Variants in CLEC19A observed in about 807,000 individuals in gnomAD.
The protein encoded by CLEC19A is C-type lectin domain family 19 member A.
In CLEC19A, 21 loss-of-function variants were observed where a neutral mutation model predicts 26.1. The ratio of observed to expected loss-of-function variants is 0.80; its 90% CI spans 0.57 to 1.16. CLEC19A has a LOEUF of 1.16. Among genes scored for constraint, CLEC19A ranks in the 50% most tolerant of loss-of-function variants. CLEC19A has a pLI of 0.00. For missense variants in CLEC19A, 224 were observed against 227.6 expected, an observed-to-expected ratio of 0.98 and a Z score of 0.10; for synonymous variants, 89 against 88.6, an observed-to-expected ratio of 1.00 and a Z score of -0.03.
chr16:19,290,059 C>T (rs1171374512), intron 1 of CLEC19A, among the ~76,000 whole-genome samples: 2 of 151,676 alleles, frequency 1.3e-5, no homozygotes, highest in African/African-American at 2.4e-5. Context: ...CATTTGTGGG[C>T]GGCTGGATTG....
chr16:19,301,036 G>A (rs1012105716), intron 2 of CLEC19A, among the ~76,000 whole-genome samples: 15 of 152,244 alleles, frequency 9.9e-5, no homozygotes, highest in African/African-American at 3.6e-4. Context: ...TGCTATGAGA[G>A]CACAGCACAG....
chr16:19,298,918 G>T, intron 2 of CLEC19A, 80 bp downstream of exon 2: 3 of 1,385,046 alleles, frequency 2.2e-6, no homozygotes, highest in Non-Finnish European at 9.6e-7. Flanking sequence ...TTTCCAACTG[G>T]CATTTCTCTT....
intron 1 of CLEC19A, among the ~76,000 whole-genome samples, chr16:19,286,477 C>T (rs1897472230): frequency 6.6e-6 from 1 of 152,176 alleles, no homozygotes; most frequent in Admixed American, 6.5e-5. Context: ...GCCCAGCAAC[C>T]CCCAGCCTTG....
At chr16:19,302,513 G>A (rs943344110) in intron 2 of CLEC19A, among the ~76,000 whole-genome samples, 6 of 152,190 alleles carry the variant, frequency 3.9e-5, no homozygotes, top group African/African-American at 1.4e-4. Context: ...AAGGTACATC[G>A]ACATGGCCAT....
intron 3 of CLEC19A, chr16:19,304,384 C>G: frequency 1.5e-5 from 4 of 268,158 alleles, no homozygotes; most frequent in Admixed American, 6.1e-5. Flanking sequence ...ACCTGTTTGG[C>G]TTGGGTTCTC....
At chr16:19,299,618 T>C (rs909824646) in intron 2 of CLEC19A, among the ~76,000 whole-genome samples, 1 of 152,222 alleles carries the variant, frequency 6.6e-6, no homozygotes, top group Non-Finnish European at 1.5e-5. Context: ...CATCCCTATC[T>C]TCTCCTCCAG....
intron 3 of CLEC19A, among the ~76,000 whole-genome samples, chr16:19,306,154 T>C (rs1334991445): frequency 6.7e-6 from 1 of 150,084 alleles, no homozygotes; most frequent in Non-Finnish European, 1.5e-5. Flanking sequence ...ATTTTTTTTT[T>C]TTTTTCCTTG....
chr16:19,304,075 G>A lies in CLEC19A; in HGVS notation c.268G>A (p.Val90Ile). The change falls in exon 3 of 5, where the codon GTC (valine) becomes ATC (isoleucine). Residue 90 changes from valine to isoleucine, a missense_variant. Coordinates refer to ENST00000636231, the MANE Select transcript of CLEC19A (RefSeq NM_001256720.2). ...LASIHSWEEN[V>I]FVYDLVNSCV... is the part of the protein sequence containing the mutation. Reference sequence around the variant, plus strand: ...TTAAATTCGCAGCTGGGAGGAGAATGTCTTTGTATATGACCTCGTGAACAG... The same window carrying A: ...TTAAATTCGCAGCTGGGAGGAGAATATCTTTGTATATGACCTCGTGAACAG... 6.5e-7 allele frequency: 1 copy of A among 1,549,880 alleles called. No individual in the cohort carries two copies.
chr16:19,295,146 C>A (rs1056102698), intron 1 of CLEC19A, among the ~76,000 whole-genome samples: 2 of 151,994 alleles, frequency 1.3e-5, no homozygotes, highest in Non-Finnish European at 1.5e-5. Flanking sequence ...AGTGATCAAC[C>A]AATTTCAGTT....
At chr16:19,294,859 T>TTGTGTTGGTGTGC (rs1897672658) in intron 1 of CLEC19A, among the ~76,000 whole-genome samples, 1 of 151,982 alleles carries the variant, frequency 6.6e-6, no homozygotes, top group Non-Finnish European at 1.5e-5. Flanking sequence ...CTGTGATGTT[T>TTGTGTTGGTGTGC]TGTGTTGCTG....
At chr16:19,304,022 G>A (rs761855470) in intron 2 of CLEC19A, 40 bp from the exon 3 acceptor site, 67 of 1,482,804 alleles carry the variant, frequency 4.5e-5, no homozygotes, top group Non-Finnish European at 1.3e-5. Context: ...TATGAAAAGA[G>A]GCCATGAGGA....
chr16:19,290,510 C>T (rs1897561763), intron 1 of CLEC19A, among the ~76,000 whole-genome samples: 1 of 152,226 alleles, frequency 6.6e-6, no homozygotes, highest in African/African-American at 2.4e-5. Context: ...AACTCTTGTT[C>T]ATCCTCCGGG....
chr16:19,307,950 A>G (rs138836462), intron 4 of CLEC19A, among the ~76,000 whole-genome samples: 368 of 152,336 alleles, frequency 2.4e-3, no homozygotes, highest in African/African-American at 8.2e-3. Flanking sequence ...CATGGGGGGA[A>G]TAAAGACTTG....
intron 1 of CLEC19A, among the ~76,000 whole-genome samples, chr16:19,297,165 T>A (rs534185048): frequency 6.6e-6 from 1 of 152,224 alleles, no homozygotes; most frequent in South Asian, 2.1e-4. Context: ...ATGGGGTTTT[T>A]AAAAATTTGT....
At chr16:19,302,810 G>A (rs1276344717) in intron 2 of CLEC19A, among the ~76,000 whole-genome samples, 8 of 152,270 alleles carry the variant, frequency 5.3e-5, no homozygotes, top group South Asian at 2.1e-4. Flanking sequence ...TTCCTTCAGC[G>A]TCTTCAATGC....
Position 19,298,709 on chromosome 16 carries a change from T to A in CLEC19A, c.125T>A (p.Leu42Gln), listed in dbSNP as rs1401681492. ...CTGCCCCTGCCTTCCCTGTGCCCCCTGTTCTGGATGGAGTTCAAAGGCCAC... is the reference window on the plus strand; with the variant it reads ...CTGCCCCTGCCTTCCCTGTGCCCCCAGTTCTGGATGGAGTTCAAAGGCCAC... ...PELPLPSLCP[L>Q]FWMEFKGHCY... The change falls in exon 2 of 5, where the codon CTG (leucine) becomes CAG (glutamine). Residue 42 changes from leucine to glutamine, a missense_variant. Transcript: ENST00000636231. The A allele has an allele frequency of 1.3e-6, 2 of 1,551,162 alleles. No individual in the cohort carries two copies. Among genetic ancestry groups the A allele is most frequent in the East Asian group, 4.9e-5 (2 of 40,924 alleles).
At chr16:19,295,541 A>C (rs1362318985) in intron 1 of CLEC19A, among the ~76,000 whole-genome samples, 3 of 152,028 alleles carry the variant, frequency 2.0e-5, no homozygotes, top group Non-Finnish European at 4.4e-5. Flanking sequence ...TCCTGGTCAC[A>C]CTGGGATGGC....
intron 1 of CLEC19A, among the ~76,000 whole-genome samples, chr16:19,287,435 G>A (rs975369545): frequency 3.9e-5 from 6 of 152,128 alleles, no homozygotes; most frequent in Non-Finnish European, 7.4e-5. Context: ...TTGGGAGTCA[G>A]AGCTTTAACA....
Position 19,309,100 on chromosome 16 carries a change from T to C in CLEC19A, c.*17T>C, listed in dbSNP as rs1898014785. The C allele has an allele frequency of 2.0e-6, 3 of 1,535,224 alleles. No homozygotes were observed. Among genetic ancestry groups the C allele is most frequent in the Non-Finnish European group, 2.6e-6 (3 of 1,134,984 alleles). On this transcript the variant is annotated 3_prime_UTR_variant, in exon 5 of 5. Transcript: ENST00000636231. Reference sequence around the variant, plus strand: ...ATTCATTGATCCTGTCTTGTCCTACTGGTGTGAGCTCAACTCTAGTATCAT... The same window carrying C: ...ATTCATTGATCCTGTCTTGTCCTACCGGTGTGAGCTCAACTCTAGTATCAT...
Sources: gnomAD v4.1 joint callset for allele counts (sites outside exome capture counted in the v4.1 genomes callset) on GRCh38, gnomAD v4.1.1 for gene constraint, MANE v1.5 for transcripts, NCBI Gene and HGNC (gene_info 2026-07-23, HGNC 2026-07-21) for gene names.